Variants in EXOC4 observed in about 807,000 individuals in gnomAD.
EXOC4 encodes the protein SEC8-like 1.
In EXOC4, 71 loss-of-function variants were observed where a neutral mutation model predicts 107.2. The observed-to-expected ratio is 0.66, with a 90% CI of 0.55 to 0.81. The LOEUF (loss-of-function observed/expected upper bound fraction) is 0.81. Ranked by LOEUF, EXOC4 falls within the 30% of genes least tolerant of loss-of-function variation. The pLI is 0.00. For missense variants in EXOC4, 1,108 were observed against 1,189.6 expected (o/e 0.93, Z 1.01); for synonymous variants, 456 against 441.2 (o/e 1.03, Z -0.42).
chr7:133,344,269 A>G lies in EXOC4; in HGVS notation c.764-12061A>G, dbSNP rs181893941. On this transcript the variant is annotated intron_variant, in intron 5 of 17. Transcript: ENST00000253861. ...ATTCTTGTTTGAGTATATTGGTTCCATCTGGAATGTTGCCTTCTAGTTTTC... is the reference window on the plus strand; with the variant it reads ...ATTCTTGTTTGAGTATATTGGTTCCGTCTGGAATGTTGCCTTCTAGTTTTC... 2.5e-3 allele frequency among the ~76,000 whole-genome samples: 380 copies of G among 152,270 alleles called. 2 individuals are homozygous for G. Among genetic ancestry groups the G allele is most frequent in the Non-Finnish European group, 3.3e-3 (227 of 68,030 alleles).
At chr7:134,076,057 G>A in the EXOC4 span, among the ~76,000 whole-genome samples, 14 of 152,338 alleles carry the variant, frequency 9.2e-5, no homozygotes, top group South Asian at 2.9e-3. Context: ...ATCACAGTGA[G>A]GAGAGCAGAA....
the EXOC4 span, among the ~76,000 whole-genome samples, chr7:134,100,537 A>G: frequency 2.3e-5 from 3 of 128,622 alleles, 1 homozygote; most frequent in Non-Finnish European, 5.1e-5. Flanking sequence ...ATATGTATTT[A>G]TATATTGAGT....
intron 17 of EXOC4, among the ~76,000 whole-genome samples, chr7:134,022,859 CA>C (rs1215167174): frequency 6.6e-6 from 1 of 152,194 alleles, no homozygotes; most frequent in African/African-American, 2.4e-5. Flanking sequence ...ATTTTCAACT[CA>C]AATAATTCAT....
intron 10 of EXOC4, among the ~76,000 whole-genome samples, chr7:133,785,026 C>A (rs1796540208): frequency 1.3e-5 from 2 of 152,126 alleles, no homozygotes; most frequent in Non-Finnish European, 2.9e-5. Context: ...GAGACCAAGG[C>A]CATGAGTTTA....
chr7:134,012,236 G>A (rs937911450), intron 17 of EXOC4, among the ~76,000 whole-genome samples: 5 of 152,178 alleles, frequency 3.3e-5, no homozygotes, highest in Non-Finnish European at 7.3e-5. Context: ...TAACATCACA[G>A]TTGTTAGTTG....
In EXOC4 at chr7:134,030,374, A is replaced by T. The variant is rs534013379; in HGVS notation, c.2687+22539A>T. On this transcript the variant is annotated intron_variant, in intron 17 of 17. Coordinates refer to ENST00000253861, the MANE Select transcript of EXOC4 (RefSeq NM_021807.4). ...TGGATAAACAAAATGTGGTATATCC[A>T]TGCAGCAGAATATTATGTGGCCATA... Among the ~76,000 whole-genome samples, 8 of 152,362 alleles carry T rather than the reference A, an allele frequency of 5.3e-5. No individual in the cohort carries two copies. The South Asian group carries it at 1.7e-3, about 32-fold the overall frequency.
intron 4 of EXOC4, among the ~76,000 whole-genome samples, chr7:133,311,303 C>G (rs1478484256): frequency 6.6e-6 from 1 of 152,046 alleles, no homozygotes; most frequent in East Asian, 1.9e-4. Flanking sequence ...CAAAACAGTA[C>G]AGACATGCAA....
Position 134,022,441 on chromosome 7 carries a change from T to G in EXOC4, c.2687+14606T>G, listed in dbSNP as rs141786281. 4.0e-3 allele frequency among the ~76,000 whole-genome samples: 609 copies of G among 152,310 alleles called. 5 individuals carry two copies. The highest frequency in any genetic ancestry group is 0.014 in the African/African-American group (577 of 41,562). Reference sequence around the variant, plus strand: ...TGGGTCTTAAATATTTACTGTCTGTTGTACAGAGGGGAAGAATTGGCTTTC... The same window carrying G: ...TGGGTCTTAAATATTTACTGTCTGTGGTACAGAGGGGAAGAATTGGCTTTC... On this transcript the variant is annotated intron_variant, in intron 17 of 17. Coordinates refer to ENST00000253861, the MANE Select transcript of EXOC4 (RefSeq NM_021807.4).
chr7:133,557,101 A>G (rs1236197282), intron 9 of EXOC4, among the ~76,000 whole-genome samples: 3 of 152,152 alleles, frequency 2.0e-5, no homozygotes, highest in African/African-American at 7.2e-5. Context: ...CAGCTAACCT[A>G]AAGTGCTTAA....
At chr7:133,776,664 A>G (rs1796352115) in intron 10 of EXOC4, among the ~76,000 whole-genome samples, 1 of 152,210 alleles carries the variant, frequency 6.6e-6, no homozygotes, top group African/African-American at 2.4e-5. Context: ...TCATCAACAT[A>G]TTATTTTTTA....
intron 1 of EXOC4, among the ~76,000 whole-genome samples, chr7:133,261,240 C>T (rs4433086): frequency 2.0e-5 from 3 of 150,252 alleles, no homozygotes; most frequent in Non-Finnish European, 3.0e-5. Context: ...TTTTTTTTTC[C>T]CTCTTCCTTT....
intron 11 of EXOC4, among the ~76,000 whole-genome samples, chr7:133,856,243 A>T (rs115631344): frequency 1.6e-4 from 24 of 152,224 alleles, no homozygotes; most frequent in African/African-American, 5.5e-4. Context: ...CCTATATGGG[A>T]ATTCAATCAG....
chr7:133,517,524 A>T (rs1420032013), intron 9 of EXOC4, among the ~76,000 whole-genome samples: 1 of 152,196 alleles, frequency 6.6e-6, no homozygotes, highest in East Asian at 1.9e-4. Context: ...ATAGTTCCAC[A>T]TGGCTGGGGA....
chr7:133,810,630 A>G (rs1296780225), intron 10 of EXOC4, among the ~76,000 whole-genome samples: 1 of 150,404 alleles, frequency 6.6e-6, no homozygotes, highest in African/African-American at 2.5e-5. Flanking sequence ...ATTTTATTTT[A>G]TTTTATTTTA....
chr7:133,462,654 C>A (rs936375562), intron 7 of EXOC4, among the ~76,000 whole-genome samples: 22 of 152,064 alleles, frequency 1.4e-4, no homozygotes, highest in Non-Finnish European at 2.5e-4. Context: ...CTTTCTTGAT[C>A]TCATACCCCA....
intron 9 of EXOC4, among the ~76,000 whole-genome samples, chr7:133,537,459 TA>T (rs1184217905): frequency 1.3e-5 from 2 of 152,170 alleles, no homozygotes; most frequent in African/African-American, 4.8e-5. Context: ...ACGCCCGGCC[TA>T]ATTTCATACT....
intron 17 of EXOC4, among the ~76,000 whole-genome samples, chr7:134,036,106 A>G (rs947519635): frequency 6.6e-6 from 1 of 152,094 alleles, no homozygotes; most frequent in African/African-American, 2.4e-5. Flanking sequence ...CCTTTCCCTT[A>G]ATTGATAAGT....
chr7:133,637,927 A>T (rs4728295), intron 10 of EXOC4, among the ~76,000 whole-genome samples: 65,266 of 152,072 alleles, frequency 0.43, 14,917 homozygotes, highest in Admixed American at 0.57. Context: ...CAGTCAAGAT[A>T]TCAACCCATG....
chr7:134,100,494 C>T, the EXOC4 span, among the ~76,000 whole-genome samples: 3 of 127,178 alleles, frequency 2.4e-5, no homozygotes, highest in South Asian at 7.6e-4. Context: ...GAACCTCAAG[C>T]GGAAGGAAGA....
Sources: allele counts gnomAD v4.1 joint callset (sites outside exome capture counted in the v4.1 genomes callset), GRCh38; gene constraint gnomAD v4.1.1; transcripts MANE v1.5; gene names NCBI Gene and HGNC (gene_info 2026-07-23, HGNC 2026-07-21).